THSD4: variants seen among roughly 807,000 people sequenced by gnomAD.
THSD4 encodes thrombospondin type 1 domain containing 4.
A neutral mutation model predicts 119.0 loss-of-function variants in THSD4; 69 were observed. The ratio of observed to expected loss-of-function variants is 0.58; its 90% CI spans 0.48 to 0.71. The LOEUF is 0.71. THSD4 is among the 30% of genes least tolerant of loss of function. The probability of loss-of-function intolerance (pLI) is 0.00; values close to 1 mark genes in which losing one functional copy is unlikely to be tolerated. For missense variants in THSD4, 1,393 were observed against 1,391.1 expected (o/e 1.00, Z -0.02); for synonymous variants, 524 against 540.4 (o/e 0.97, Z 0.42).
At chr15:71,104,873 C>T (rs1277304578) in intron 1 of THSD4, among the ~76,000 whole-genome samples, 4 of 152,308 alleles carry the variant, frequency 2.6e-5, no homozygotes, top group East Asian at 3.9e-4. Context: ...AACCAATATT[C>T]GAGGTCAGAG....
intron 7 of THSD4, among the ~76,000 whole-genome samples, chr15:71,424,131 C>T (rs1281422303): frequency 6.6e-6 from 1 of 152,100 alleles, no homozygotes; most frequent in Admixed American, 6.5e-5. Flanking sequence ...AAGTTAAAAC[C>T]AGGTTATGTG....
chr15:71,235,174 T>C (rs1406504871), intron 4 of THSD4, among the ~76,000 whole-genome samples: 1 of 152,110 alleles, frequency 6.6e-6, no homozygotes, highest in Admixed American at 6.5e-5. Flanking sequence ...AATAGAGGAG[T>C]ATCTGTCCAC....
chr15:71,726,400 T>C (rs2141123164), intron 8 of THSD4, among the ~76,000 whole-genome samples: 1 of 152,328 alleles, frequency 6.6e-6, no homozygotes, highest in South Asian at 2.1e-4. Flanking sequence ...TCTTATATTT[T>C]AGTGGTACCT....
chr15:71,768,367 C>T lies in THSD4; in HGVS notation c.2770-2697C>T, dbSNP rs550245008. On this transcript the variant is annotated intron_variant, in intron 16 of 17. Transcript: ENST00000261862. ...GAGCATAGAGGAACACGAATTACAC[C>T]GTGGGAGCACAGTCAGCAAAATCCA... 2.6e-5 allele frequency among the ~76,000 whole-genome samples: 4 copies of T among 152,110 alleles called. No individual in the cohort carries two copies. In the East Asian group the frequency reaches 7.7e-4, roughly 29 times the overall value.
chr15:71,141,552 C>T lies in THSD4; in HGVS notation c.25C>T (p.Leu9Phe). The T allele has an allele frequency of 6.2e-7, 1 of 1,609,928 alleles. No individual in the cohort carries two copies. The highest frequency in any genetic ancestry group is 8.5e-7 in the Non-Finnish European group (1 of 1,178,310). Residue 9 changes from leucine to phenylalanine, a missense_variant, in exon 2 of 18, where the codon CTC becomes TTC. Physicochemically the swap from Leu to Phe is conservative, Grantham distance 22. Transcript: ENST00000261862. The stretch of plus-strand genomic sequence containing the variant: ...CATGGTTTCCCATTTCATGGGGTCT[C>T]TCAGGTAAGTGAAGAAACTTTTTTT... MVSHFMGS[L>F]SVLCFLLLLG...
chr15:71,493,662 G>A (rs1347551424), intron 7 of THSD4, among the ~76,000 whole-genome samples: 1 of 152,220 alleles, frequency 6.6e-6, no homozygotes, highest in Non-Finnish European at 1.5e-5. Flanking sequence ...AGTGTGATTA[G>A]ATTGCCCCAG....
rs1483278143 is a variant in THSD4, at chr15:71,550,758, A to T, written c.1153-109772A>T. On this transcript the variant is annotated intron_variant, in intron 7 of 17. Coordinates refer to ENST00000261862, the MANE Select transcript of THSD4 (RefSeq NM_024817.3). Reference sequence around the variant, plus strand: ...AATTTTGACGGTACAGTATGGCAAAACCTATCAAAATGAAAAATAAATATC... The same window carrying T: ...AATTTTGACGGTACAGTATGGCAAATCCTATCAAAATGAAAAATAAATATC... Among the ~76,000 whole-genome samples the T allele has an allele frequency of 4.6e-5, 7 of 152,072 alleles. No individual in the cohort carries two copies. The South Asian group carries it at 1.2e-3, about 27-fold the overall frequency.
intron 6 of THSD4, among the ~76,000 whole-genome samples, chr15:71,323,700 T>C (rs2045304483): frequency 6.6e-6 from 1 of 152,174 alleles, no homozygotes; most frequent in African/African-American, 2.4e-5. Context: ...TATATATTCC[T>C]TTGGCAGAAC....
rs560110261 is a variant in THSD4 at position 71,440,565 on chromosome 15, A to G, written c.1152+28742A>G. Among the ~76,000 whole-genome samples, 4 of 152,316 alleles carry G rather than the reference A, an allele frequency of 2.6e-5. No individual in the cohort carries two copies. The South Asian group carries it at 8.3e-4, about 32-fold the overall frequency. On this transcript the variant is annotated intron_variant, in intron 7 of 17. Transcript: ENST00000261862. ...TCCAATATTTTTTAAATGAAAGTCT[A>G]TGCCTTATTGCCGTGTTCCTGCTTT...
intron 6 of THSD4, among the ~76,000 whole-genome samples, chr15:71,402,017 C>G (rs2046540680): frequency 6.6e-6 from 1 of 151,776 alleles, no homozygotes; most frequent in Non-Finnish European, 1.5e-5. Context: ...AAATCAAACA[C>G]CGCATGTTCT....
chr15:71,645,735 T>A (rs1450738849), intron 7 of THSD4, among the ~76,000 whole-genome samples: 1 of 152,146 alleles, frequency 6.6e-6, no homozygotes, highest in Non-Finnish European at 1.5e-5. Context: ...AACAAAATGT[T>A]TGGGAGAGGT....
At chr15:71,557,344 T>C (rs1360624410) in intron 7 of THSD4, among the ~76,000 whole-genome samples, 1 of 152,182 alleles carries the variant, frequency 6.6e-6, no homozygotes, top group East Asian at 1.9e-4. Context: ...GGTTATGATA[T>C]ATTTCTATTT....
intron 7 of THSD4, among the ~76,000 whole-genome samples, chr15:71,644,595 C>T (rs1447042818): frequency 6.6e-6 from 1 of 152,178 alleles, no homozygotes; most frequent in Non-Finnish European, 1.5e-5. Context: ...TTCTGTTCCT[C>T]TGACATTTTA....
At position 71,203,993 on chromosome 15, in the gene THSD4, A is replaced by G. The variant is rs529432173; in HGVS notation, c.100-11042A>G. Among the ~76,000 whole-genome samples the G allele has an allele frequency of 1.1e-4, 17 of 152,320 alleles. No individual in the cohort carries two copies. The East Asian group carries it at 2.9e-3, about 26-fold the overall frequency. On this transcript the variant is annotated intron_variant, in intron 3 of 17. Transcript: ENST00000261862. ...GAATCAGCCTCTGGGTCCAGAAGCCAGCACTCTTTATTTCATGCATTACTC... is the reference window on the plus strand; with the variant it reads ...GAATCAGCCTCTGGGTCCAGAAGCCGGCACTCTTTATTTCATGCATTACTC...
chr15:71,698,787 G>C (rs962985699), intron 8 of THSD4, among the ~76,000 whole-genome samples: 1 of 151,700 alleles, frequency 6.6e-6, no homozygotes, highest in South Asian at 2.1e-4. Flanking sequence ...GAACCTGAAG[G>C]ACATTATGCC....
chr15:71,302,472 C>A (rs574378838), intron 6 of THSD4, among the ~76,000 whole-genome samples: 1 of 151,966 alleles, frequency 6.6e-6, no homozygotes, highest in Non-Finnish European at 1.5e-5. Context: ...TGCTCAGAGC[C>A]GGCCCCATTT....
intron 10 of THSD4, among the ~76,000 whole-genome samples, chr15:71,735,672 GTC>G (rs1420501501): frequency 6.7e-5 from 9 of 134,630 alleles, no homozygotes; most frequent in African/African-American, 2.6e-4. Flanking sequence ...CTCGTTCTCT[GTC>G]TCTCTCACTT....
intron 6 of THSD4, among the ~76,000 whole-genome samples, chr15:71,355,784 G>A (rs2140412719): frequency 6.6e-6 from 1 of 152,286 alleles, no homozygotes; most frequent in South Asian, 2.1e-4. Flanking sequence ...CCCAGGGTCA[G>A]GGATGAAGTT....
At chr15:71,564,782 ATAACATATAATACAATATATAT>A (rs2049200584) in intron 7 of THSD4, among the ~76,000 whole-genome samples, 1 of 39,868 alleles carries the variant, frequency 2.5e-5, no homozygotes, top group African/African-American at 9.6e-5. Flanking sequence ...ATTGTATATT[ATAACATATAATACAATATATAT>A]TGTATATTAT....
Sources: gnomAD v4.1 joint callset for allele counts (sites outside exome capture counted in the v4.1 genomes callset) on GRCh38, gnomAD v4.1.1 for gene constraint, MANE v1.5 for transcripts, NCBI Gene and HGNC (gene_info 2026-07-23, HGNC 2026-07-21) for gene names.